ZNF469: variants seen among roughly 807,000 people sequenced by gnomAD.
ZNF469 encodes zinc finger protein 469.
A neutral mutation model predicts 1.0 loss-of-function variants in ZNF469; 1 was observed. That is an observed-to-expected ratio of 1.00 (90% CI 0.35 to 4.73). The LOEUF is 4.73. Ranked by LOEUF, ZNF469 falls within the 30% of genes most tolerant of loss-of-function variation. The probability of loss-of-function intolerance (pLI) is 0.16; values close to 1 mark genes in which losing one functional copy is unlikely to be tolerated. For synonymous variants in ZNF469, 2,703 were observed against 2,363.4 expected (o/e 1.14, Z -4.17); for missense variants, 6,100 against 5,356.3 (o/e 1.14, Z -4.33).
the ZNF469 span, among the ~76,000 whole-genome samples, chr16:88,324,060 A>G: frequency 1.3e-5 from 2 of 152,182 alleles, no homozygotes; most frequent in African/African-American, 4.8e-5. Context: ...CTTCAGCTGG[A>G]GCAGCTGGGC....
the ZNF469 span, among the ~76,000 whole-genome samples, chr16:88,234,520 CGG>C: frequency 6.6e-6 from 1 of 152,202 alleles, no homozygotes; most frequent in Non-Finnish European, 1.5e-5. Context: ...CAGCGCAGAC[CGG>C]GGCTGGCTCC....
chr16:88,240,766 G>A, the ZNF469 span, among the ~76,000 whole-genome samples: 2 of 152,160 alleles, frequency 1.3e-5, no homozygotes, highest in East Asian at 3.8e-4. Flanking sequence ...ACGGGCAACC[G>A]CGAGTTGGTT....
chr16:88,104,750 G>T, the ZNF469 span, among the ~76,000 whole-genome samples: 1 of 152,254 alleles, frequency 6.6e-6, no homozygotes, highest in Non-Finnish European at 1.5e-5. Flanking sequence ...CTATCCTTCT[G>T]TGATCCCGTT....
chr16:88,356,527 C>A, the ZNF469 span, among the ~76,000 whole-genome samples: 1 of 151,646 alleles, frequency 6.6e-6, no homozygotes, highest in Non-Finnish European at 1.5e-5. Context: ...TGTGTATTGC[C>A]GTGTGCCTGT....
chr16:88,113,773 C>G, the ZNF469 span, among the ~76,000 whole-genome samples: 1 of 152,204 alleles, frequency 6.6e-6, no homozygotes, highest in East Asian at 1.9e-4. Flanking sequence ...ATTTCACCGA[C>G]ACGGCTGGTT....
chr16:88,372,057 TA>T, the ZNF469 span, among the ~76,000 whole-genome samples: 1 of 46,014 alleles, frequency 2.2e-5, no homozygotes, highest in Non-Finnish European at 4.9e-5. Context: ...TCACCATGAT[TA>T]CCACCATCAT....
the ZNF469 span, among the ~76,000 whole-genome samples, chr16:88,200,101 T>C: frequency 0.23 from 34,590 of 148,196 alleles, 4,415 homozygotes; most frequent in Non-Finnish European, 0.3. Flanking sequence ...GGATGACAGG[T>C]GACGGGAGGA....
the ZNF469 span, among the ~76,000 whole-genome samples, chr16:88,233,942 C>G: frequency 6.6e-6 from 1 of 152,240 alleles, no homozygotes; most frequent in East Asian, 1.9e-4. Context: ...GGGATTTGGC[C>G]TGTTTGTCAG....
chr16:88,243,144 C>G, the ZNF469 span, among the ~76,000 whole-genome samples: 1 of 152,184 alleles, frequency 6.6e-6, no homozygotes. Context: ...GGCTGGAAGA[C>G]AGTGAATTGT....
chr16:88,435,739 G>T lies in ZNF469; in HGVS notation c.8269G>T (p.Gly2757Ter). The T allele has an allele frequency of 6.4e-7, 1 of 1,550,882 alleles. No individual in the cohort carries two copies. The highest frequency in any genetic ancestry group is 8.7e-7 in the Non-Finnish European group (1 of 1,146,990). The change falls in exon 3 of 3, where the codon GGA (glycine) becomes TGA (stop). Residue 2757 changes from glycine to a stop codon, truncating the protein, a stop_gained. Transcript: ENST00000565624. LOFTEE classifies it low-confidence loss of function (END_TRUNC). ...GGGAGCCTCGGCAAGGGGGTTCTGG[G>T]GACCAAGAGAGACCAAGGCGTTGGG... Reference protein sequence around the residue: ...QKGASARGFWGPRETKALGVC... With the variant: ...QKGASARGFW
chr16:88,235,598 C>T, the ZNF469 span, among the ~76,000 whole-genome samples: 1 of 152,218 alleles, frequency 6.6e-6, no homozygotes, highest in Non-Finnish European at 1.5e-5. Flanking sequence ...GAGGCTCCTT[C>T]CTTGTCTTGA....
intron 2 of ZNF469, among the ~76,000 whole-genome samples, chr16:88,425,253 C>T (rs1357237717): frequency 6.6e-6 from 1 of 152,162 alleles, no homozygotes; most frequent in Non-Finnish European, 1.5e-5. Context: ...TTATGATGCT[C>T]CATCTGGGCT....
the ZNF469 span, among the ~76,000 whole-genome samples, chr16:88,233,462 T>TG: frequency 6.6e-6 from 1 of 152,174 alleles, no homozygotes; most frequent in South Asian, 2.1e-4. Flanking sequence ...TTATTCCTCT[T>TG]GGAAATTTGG....
Position 88,439,016 on chromosome 16 carries a change from G to C in ZNF469, c.11546G>C (p.Arg3849Pro). 1 of 1,550,054 alleles carries C rather than the reference G, an allele frequency of 6.5e-7. No homozygotes were observed. The highest frequency in any genetic ancestry group is 8.7e-7 in the Non-Finnish European group (1 of 1,146,850). ...SAPDKPPRTPRKQATPSRVLP... is the reference protein window; with the variant it reads ...SAPDKPPRTPPKQATPSRVLP... ...CCTGACAAGCCCCCCCGGACCCCTC[G>C]GAAGCAGGCAACTCCCAGCCGCGTG... Residue 3849 changes from arginine (R) to proline (P), a missense_variant, in exon 3 of 3, where the codon CGG becomes CCG. Coordinates refer to ENST00000565624, the MANE Select transcript of ZNF469 (RefSeq NM_001367624.2).
At chr16:88,257,068 C>A in the ZNF469 span, among the ~76,000 whole-genome samples, 14 of 150,300 alleles carry the variant, frequency 9.3e-5, no homozygotes, top group Non-Finnish European at 2.1e-4. Context: ...CCTGCCTCAG[C>A]CTCCTGAGTA....
the ZNF469 span, among the ~76,000 whole-genome samples, chr16:88,154,462 G>A: frequency 4.6e-5 from 7 of 152,276 alleles, no homozygotes; most frequent in South Asian, 1.0e-3. Flanking sequence ...CACCGCACCC[G>A]GTCTGCCCCA....
the ZNF469 span, among the ~76,000 whole-genome samples, chr16:88,101,390 C>A: frequency 6.6e-6 from 1 of 152,162 alleles, no homozygotes; most frequent in Admixed American, 6.5e-5. Context: ...GGGCGTCCTC[C>A]CCAATTAATG....
chr16:88,349,221 A>G, the ZNF469 span, among the ~76,000 whole-genome samples: 1 of 152,168 alleles, frequency 6.6e-6, no homozygotes, highest in African/African-American at 2.4e-5. Context: ...AACTGAGGCC[A>G]TGAGAGACAG....
At chr16:88,321,041 T>C in the ZNF469 span, among the ~76,000 whole-genome samples, 1 of 152,164 alleles carries the variant, frequency 6.6e-6, no homozygotes. Context: ...AATGTTGGGG[T>C]CAGGGTGGGG....
Sources: gnomAD v4.1 joint callset for allele counts (sites outside exome capture counted in the v4.1 genomes callset) on GRCh38, gnomAD v4.1.1 for gene constraint, MANE v1.5 for transcripts, NCBI Gene and HGNC (gene_info 2026-07-23, HGNC 2026-07-21) for gene names.